The following BCOR variants were observed in gnomAD, a reference collection of about 807,000 sequenced individuals.
BCOR encodes BCL-6 corepressor.
BCOR carries 10 observed loss-of-function variants against 86.7 expected under a neutral mutation model. The observed-to-expected ratio is 0.12, with a 90% CI of 0.07 to 0.20. BCOR has a LOEUF of 0.20. BCOR is among the 10% of genes least tolerant of loss of function. The pLI, the probability that BCOR is intolerant of heterozygous loss-of-function variation, is 1.00. For missense variants in BCOR, 1,259 were observed against 1,452.1 expected (o/e 0.87, Z 2.16); for synonymous variants, 611 against 609.0 (o/e 1.00, Z -0.05).
Position 40,071,164 on chromosome X carries a change from A to G in BCOR, c.3052-5T>C, listed in dbSNP as rs1362593334. On this transcript the variant is annotated splice_region_variant and splice_polypyrimidine_tract_variant and intron_variant, in intron 5 of 14. Coordinates refer to ENST00000378444, the MANE Select transcript of BCOR (RefSeq NM_001123385.2). ...TGAGAAGCGCATCATTGCACGCTAG[A>G]AAGAGAACGGAGATGGAAAAAAAAA... 1 of 1,194,096 alleles carries G rather than the reference A, an allele frequency of 8.4e-7. No individual in the cohort carries two copies. Among genetic ancestry groups the G allele is most frequent in the African/African-American group, 1.8e-5 (1 of 56,408 alleles).
chrX:40,166,442 A>G (rs1461301561), intron 1 of BCOR, among the ~76,000 whole-genome samples: 1 of 112,051 alleles, frequency 8.9e-6, no homozygotes, highest in East Asian at 2.8e-4. Flanking sequence ...TAAGACAGAC[A>G]CTAGCTGCTG....
At chrX:40,106,858 C>T (rs1937197475) in intron 1 of BCOR, among the ~76,000 whole-genome samples, 1 of 110,808 alleles carries the variant, frequency 9.0e-6, no homozygotes, top group Admixed American at 9.5e-5. Context: ...CCGCTCCCTC[C>T]CACTCCCCCT....
chrX:40,076,785 T>C (rs1351971646), intron 2 of BCOR, among the ~76,000 whole-genome samples: 1 of 112,489 alleles, frequency 8.9e-6, no homozygotes, highest in Non-Finnish European at 1.9e-5. Context: ...GTCCCCAAGG[T>C]AGGTAAGCCA....
At chrX:40,076,866 G>C in intron 2 of BCOR, 1 of 329,893 alleles carries the variant, frequency 3.0e-6, no homozygotes, top group South Asian at 2.7e-5. Context: ...TCGGAGCTCG[G>C]CTGTCCCAGC....
At chrX:40,100,278 C>G (rs949495634), upstream of BCOR, among the ~76,000 whole-genome samples, 6 of 112,856 alleles carry the variant, frequency 5.3e-5, no homozygotes, top group Non-Finnish European at 9.4e-5. Flanking sequence ...GAGGAGGCCG[C>G]TCTGCTGCTG....
intron 3 of BCOR, among the ~76,000 whole-genome samples, chrX:40,075,907 G>C (rs1288757760): frequency 1.8e-5 from 2 of 112,091 alleles, no homozygotes; most frequent in Non-Finnish European, 3.8e-5. Flanking sequence ...CCCTCCCTGG[G>C]CCTGTCAGGC....
chrX:40,061,727 C>G (rs977528054), intron 10 of BCOR, among the ~76,000 whole-genome samples: 1 of 101,745 alleles, frequency 9.8e-6, no homozygotes, highest in Non-Finnish European at 2.0e-5. Context: ...TACACGGCCA[C>G]CCTTCCACCC....
At chrX:40,134,911 C>T (rs989694597) in intron 1 of BCOR, among the ~76,000 whole-genome samples, 3 of 111,762 alleles carry the variant, frequency 2.7e-5, no homozygotes, top group Admixed American at 1.9e-4. Context: ...CATTAACCAT[C>T]GGAATCAATT....
intron 1 of BCOR, among the ~76,000 whole-genome samples, chrX:40,144,182 C>A (rs1937989202): frequency 8.9e-6 from 1 of 111,968 alleles, no homozygotes; most frequent in African/African-American, 3.3e-5. Flanking sequence ...TATTGCACAA[C>A]ACCAGAGTCT....
intron 1 of BCOR, among the ~76,000 whole-genome samples, chrX:40,091,260 G>A (rs1403889736): frequency 1.8e-5 from 2 of 112,294 alleles, no homozygotes; most frequent in African/African-American, 6.5e-5. Context: ...CCCAGCCCCG[G>A]GTCAATGTAA....
chrX:40,058,035 A>G (rs1188776055), intron 10 of BCOR, among the ~76,000 whole-genome samples: 1 of 110,357 alleles, frequency 9.1e-6, no homozygotes, highest in Non-Finnish European at 1.9e-5. Flanking sequence ...GGCTGAATCA[A>G]TATATTTTCA....
At chrX:40,168,821 C>T (rs1220768901) in intron 1 of BCOR, among the ~76,000 whole-genome samples, 2 of 113,494 alleles carry the variant, frequency 1.8e-5, no homozygotes, top group Non-Finnish European at 3.7e-5. Flanking sequence ...ATTAATCGCC[C>T]CGCGTTGTCA....
intron 1 of BCOR, among the ~76,000 whole-genome samples, chrX:40,175,929 T>C (rs1938738659): frequency 8.9e-6 from 1 of 112,760 alleles, no homozygotes; most frequent in African/African-American, 3.2e-5. Flanking sequence ...CAGACCACGC[T>C]ACCCTACTTT....
At chrX:40,168,033 T>C (rs1380033123) in intron 1 of BCOR, among the ~76,000 whole-genome samples, 1 of 112,353 alleles carries the variant, frequency 8.9e-6, no homozygotes. Context: ...ACCAGAGCTC[T>C]GGCAGCCAGG....
chrX:40,074,589 C>T lies in BCOR; in HGVS notation c.757G>A (p.Val253Ile), dbSNP rs745720817. ...AAGGACGATGGGATGTGGGGACCGA[C>T]GTAGTGAGGTGGCGGCAGGTAGAGA... is the stretch of plus-strand genomic sequence containing the variant. ...RFLYLPPPHYVGPHIPSSLAS... is the reference protein window; with the variant it reads ...RFLYLPPPHYIGPHIPSSLAS... Residue 253 changes from valine (V) to isoleucine (I), a missense_variant, in exon 4 of 15, where the codon GTC becomes ATC. Coordinates refer to ENST00000378444, the MANE Select transcript of BCOR (RefSeq NM_001123385.2). 1.7e-6 allele frequency: 2 copies of T among 1,211,876 alleles called. No homozygotes were observed. The highest frequency in any genetic ancestry group is 3.0e-5 in the East Asian group (1 of 33,828).
intron 1 of BCOR, among the ~76,000 whole-genome samples, chrX:40,133,139 C>CTTTTTTTTT (rs774822335): frequency 2.0e-4 from 20 of 100,252 alleles, no homozygotes; most frequent in Non-Finnish European, 2.9e-4. Flanking sequence ...TTCTTTTTTT[C>CTTTTTTTTT]TTTTTTTTTT....
chrX:40,061,105 C>A (rs752271022), intron 10 of BCOR, among the ~76,000 whole-genome samples: 1 of 112,748 alleles, frequency 8.9e-6, no homozygotes, highest in Non-Finnish European at 1.9e-5. Flanking sequence ...CGCCCGGGTG[C>A]TTCTCCACAC....
intron 1 of BCOR, among the ~76,000 whole-genome samples, chrX:40,094,122 A>AC (rs1427421994): frequency 9.2e-6 from 1 of 108,948 alleles, no homozygotes; most frequent in African/African-American, 3.4e-5. Flanking sequence ...CTATTACACT[A>AC]CCCCACCACG....
chrX:40,117,298 G>A (rs1602236442), intron 1 of BCOR, among the ~76,000 whole-genome samples: 1 of 111,354 alleles, frequency 9.0e-6, no homozygotes, highest in South Asian at 3.8e-4. Flanking sequence ...TCCTGGAGTA[G>A]GTGATGTTAC....
Sources: allele counts gnomAD v4.1 joint callset (sites outside exome capture counted in the v4.1 genomes callset), GRCh38; gene constraint gnomAD v4.1.1; transcripts MANE v1.5; gene names NCBI Gene and HGNC (gene_info 2026-07-23, HGNC 2026-07-21).